SPAG4: variants seen among roughly 807,000 people sequenced by gnomAD.
SPAG4 encodes the protein sperm associated antigen 4.
SPAG4 carries 54 observed loss-of-function variants against 53.9 expected under a neutral mutation model. The ratio of observed to expected loss-of-function variants is 1.00; its 90% CI spans 0.80 to 1.26. The LOEUF (loss-of-function observed/expected upper bound fraction) is 1.26. SPAG4 is among the 50% of genes most tolerant of loss of function. SPAG4 has a pLI of 0.00. For missense variants in SPAG4, 548 were observed against 568.6 expected (o/e 0.96, Z 0.37); for synonymous variants, 246 against 237.4 (o/e 1.04, Z -0.33).
chr20:35,616,993 G>T (rs1413121978), intron 1 of SPAG4, 143 bp from the exon 2 acceptor site: 10 of 617,498 alleles, frequency 1.6e-5, no homozygotes, highest in Non-Finnish European at 2.9e-5. Context: ...AGCTGGAGCC[G>T]GGATAGGGCT....
chr20:35,618,240 T>A, intron 5 of SPAG4, 110 bp downstream of exon 5: 1 of 1,193,202 alleles, frequency 8.4e-7, no homozygotes, highest in Non-Finnish European at 1.2e-6. Context: ...TGCCAGAGGC[T>A]ACAATCCTTA....
At chr20:35,619,385 C>T in intron 9 of SPAG4, 75 bp downstream of exon 9, 1 of 1,470,820 alleles carries the variant, frequency 6.8e-7, no homozygotes, top group South Asian at 1.1e-5. Flanking sequence ...GCCCTACAGG[C>T]GGAGCTTGGC....
Position 35,616,069 on chromosome 20 carries a change from C to A in SPAG4, c.66C>A (p.Ser22Arg), listed in dbSNP as rs1226121327. The change falls in exon 1 of 12, where the codon AGC becomes AGA. Residue 22 changes from serine to arginine, a missense_variant. By Grantham distance (110) the Ser-to-Arg change is moderately radical. Coordinates refer to ENST00000374273, the MANE Select transcript of SPAG4 (RefSeq NM_003116.3). ...GCAAGCACACGCCCAACTTTTTCAGCGAGAACAGCTCAATGAGCATCACCT... is the reference window on the plus strand; with the variant it reads ...GCAAGCACACGCCCAACTTTTTCAGAGAGAACAGCTCAATGAGCATCACCT... Reference protein sequence around the residue: ...SSRKHTPNFFSENSSMSITSE... With the variant: ...SSRKHTPNFFRENSSMSITSE... 6 of 1,612,744 alleles carry A rather than the reference C, an allele frequency of 3.7e-6. No individual in the cohort carries two copies. Among genetic ancestry groups the A allele is most frequent in the Middle Eastern group, 1.7e-4 (1 of 6,058 alleles).
At chr20:35,619,777 A>T (rs776534752) in intron 10 of SPAG4, 31 bp downstream of exon 10, 26 of 1,586,608 alleles carry the variant, frequency 1.6e-5, no homozygotes, top group Non-Finnish European at 1.9e-5. Context: ...GAGGTGGGGG[A>T]TTTTGCCTAG....
intron 1 of SPAG4, among the ~76,000 whole-genome samples, chr20:35,616,691 A>G (rs539085063): frequency 2.7e-5 from 4 of 148,164 alleles, no homozygotes; most frequent in Non-Finnish European, 5.9e-5. Context: ...ATGCAATGGC[A>G]TGATCTCGGC....
rs2031385109 is a variant in SPAG4, at chr20:35,616,453, C to T, written c.304+146C>T. On this transcript the variant is annotated intron_variant, in intron 1 of 11. Coordinates refer to ENST00000374273, the MANE Select transcript of SPAG4 (RefSeq NM_003116.3). ...TAAAGGGATGGTGCTAAATGAGATCCCTTAAGGGGCGGAGCCTCGGTGTCC... is the reference window on the plus strand; with the variant it reads ...TAAAGGGATGGTGCTAAATGAGATCTCTTAAGGGGCGGAGCCTCGGTGTCC... 5 of 1,237,816 alleles carry T rather than the reference C, an allele frequency of 4.0e-6. No homozygotes were observed. In the South Asian group the frequency reaches 6.1e-5, roughly 15 times the overall value. The allele number at this position is 1,237,816 out of a possible 1,614,324, so 76.7% of individuals were successfully genotyped here. A position where few individuals can be genotyped will look rare whatever the true frequency, so the allele number is the denominator to read the frequency against.
chr20:35,618,345 G>T (rs1306315615), intron 5 of SPAG4, 105 bp from the exon 6 acceptor site: 14 of 1,435,912 alleles, frequency 9.7e-6, no homozygotes, highest in Non-Finnish European at 1.4e-5. Flanking sequence ...GTCGAGGAAA[G>T]GGGACACAGT....
intron 1 of SPAG4, 159 bp from the exon 2 acceptor site, chr20:35,616,977 G>A: frequency 1.6e-6 from 1 of 606,416 alleles, no homozygotes. Flanking sequence ...GGGCTTCAGA[G>A]GGCGGAGCTG....
intron 10 of SPAG4, 51 bp from the exon 11 acceptor site, chr20:35,620,633 C>G (rs778450338): frequency 3.6e-6 from 2 of 555,766 alleles, no homozygotes; most frequent in Middle Eastern, 4.8e-4. Context: ...CCCGCCCCCC[C>G]CGCCCCACCT....
chr20:35,621,086 G>A lies in SPAG4; in HGVS notation c.*64G>A, dbSNP rs2044165601. On this transcript the variant is annotated 3_prime_UTR_variant, in exon 12 of 12. Transcript: ENST00000374273. Reference sequence around the variant, plus strand: ...GGATACTGGATCAGTGCTTTCGGGGGCTCTGTTGGGAGAGCTCTGGCTGCC... The same window carrying A: ...GGATACTGGATCAGTGCTTTCGGGGACTCTGTTGGGAGAGCTCTGGCTGCC... 1.3e-6 allele frequency: 2 copies of A among 1,566,374 alleles called. No homozygotes were observed. Among genetic ancestry groups the A allele is most frequent in the Non-Finnish European group, 1.8e-6 (2 of 1,141,710 alleles).
intron 6 of SPAG4, 33 bp from the exon 7 acceptor site, chr20:35,618,579 G>A (rs535732465): frequency 2.5e-6 from 4 of 1,597,204 alleles, no homozygotes; most frequent in African/African-American, 2.7e-5. Flanking sequence ...GGGACAGGGA[G>A]CCAACCCCAC....
In SPAG4 at chr20:35,618,657, G is replaced by T. The variant is rs754243027; in HGVS notation, c.654G>T (p.Gln218His). Residue 218 changes from glutamine to histidine, a missense_variant, in exon 7 of 12, where the codon CAG becomes CAT. Transcript: ENST00000374273. ...GCTCCCAGGGGCAGCAGCTGCAGCA[G>T]CTCCAGGCCGAGCTGGATAAACTCC... Reference protein sequence around the residue: ...RVRSQGQQLQQLQAELDKLHK... With the variant: ...RVRSQGQQLQHLQAELDKLHK... The T allele has an allele frequency of 1.9e-6, 3 of 1,598,260 alleles. No homozygotes were observed. Among genetic ancestry groups the T allele is most frequent in the Non-Finnish European group, 2.6e-6 (3 of 1,172,456 alleles).
rs138718679 is a variant in SPAG4, at chr20:35,620,821, G to A, written c.1167+48G>A. ...GGTGCCAAGGGAGTGGGGCAGTGAG[G>A]GATGAATGATCCAGGAGGAGGGCAG... On this transcript the variant is annotated intron_variant, in intron 11 of 11. Transcript: ENST00000374273. 362 of 1,612,950 alleles carry A rather than the reference G, an allele frequency of 2.2e-4. 1 individual carries two copies. In the African/African-American group the frequency reaches 3.5e-3, roughly 16 times the overall value.
rs775702817 is a variant in SPAG4, at chr20:35,620,940, G to A, written c.1232G>A (p.Arg411His). 5 of 1,614,102 alleles carry A rather than the reference G, an allele frequency of 3.1e-6. No individual in the cohort carries two copies. The highest frequency in any genetic ancestry group is 4.5e-5 in the East Asian group (2 of 44,904). Residue 411 changes from arginine (R) to histidine (H), a missense_variant, in exon 12 of 12, where the codon CGT becomes CAT. Physicochemically the swap from Arg to His is conservative, Grantham distance 29. Coordinates refer to ENST00000374273, the MANE Select transcript of SPAG4 (RefSeq NM_003116.3). ...IQILSNWGHP[R>H]FTCLYRVRAH... ...ATTCTAAGCAACTGGGGCCACCCCCGTTTCACGTGCTTGTATCGAGTCCGT... is the reference window on the plus strand; with the variant it reads ...ATTCTAAGCAACTGGGGCCACCCCCATTTCACGTGCTTGTATCGAGTCCGT...
At position 35,616,276 on chromosome 20, in the gene SPAG4, T is replaced by C. The variant is rs201985967; in HGVS notation, c.273T>C (p.Cys91=). ...APRSHNWQTA[C]GAATVRGGAS... is the part of the protein sequence containing the mutation. ...GGAGCCACAACTGGCAGACAGCCTG[T>C]GGCGCGGCAACCGTGAGGGGCGGGG... The change falls in exon 1 of 12, where the codon TGT becomes TGC. Residue 91 remains cysteine (C), a synonymous_variant. Coordinates refer to ENST00000374273, the MANE Select transcript of SPAG4 (RefSeq NM_003116.3). The C allele has an allele frequency of 1.2e-4, 164 of 1,408,226 alleles. No homozygotes were observed. The highest frequency in any genetic ancestry group is 1.5e-4 in the Non-Finnish European group (159 of 1,079,500). The allele number at this position is 1,408,226 out of a possible 1,614,324, so 87.2% of individuals were successfully genotyped here.
intron 2 of SPAG4, 100 bp downstream of exon 2, chr20:35,617,340 C>T: frequency 2.1e-6 from 2 of 958,830 alleles, no homozygotes; most frequent in East Asian, 5.2e-5. Flanking sequence ...GTATCGAGCC[C>T]CTCTCCGAGC....
At position 35,615,939 on chromosome 20, in the gene SPAG4, GC is replaced by G; in HGVS notation, c.-61del. The stretch of plus-strand genomic sequence containing the variant: ...CCGCGGCGCGCAGCGGCTGAAGGAG[GC>G]CCCAGGGCCTTGGCGACCGCAGCGG... On this transcript the variant is annotated 5_prime_UTR_variant, in exon 1 of 12. Coordinates refer to ENST00000374273, the MANE Select transcript of SPAG4 (RefSeq NM_003116.3). 6.6e-7 allele frequency: 1 copy of G among 1,519,000 alleles called. No individual in the cohort carries two copies. The highest frequency in any genetic ancestry group is 8.9e-7 in the Non-Finnish European group (1 of 1,122,492). 94.1% of individuals were successfully genotyped at this position (1,519,000 alleles called of 1,614,324 possible). A position where few individuals can be genotyped will look rare whatever the true frequency, so the allele number is the denominator to read the frequency against.
chr20:35,619,397 G>A, intron 9 of SPAG4, 87 bp downstream of exon 9: 1 of 1,435,868 alleles, frequency 7.0e-7, no homozygotes, highest in Non-Finnish European at 9.8e-7. Flanking sequence ...GAGCTTGGCT[G>A]AGCCGAGGGC....
Position 35,617,543 on chromosome 20 carries a change from G to C in SPAG4, c.433G>C (p.Val145Leu). The C allele has an allele frequency of 6.2e-7, 1 of 1,602,354 alleles. No homozygotes were observed. The change falls in exon 3 of 12, where the codon GTG becomes CTG. Residue 145 changes from valine (V) to leucine (L), a missense_variant. Coordinates refer to ENST00000374273, the MANE Select transcript of SPAG4 (RefSeq NM_003116.3). Reference protein sequence around the residue: ...FLSLLFQGLSVLLSLAGDVLV... With the variant: ...FLSLLFQGLSLLLSLAGDVLV... Reference sequence around the variant, plus strand: ...AGGCCTGCTCTTCCAGGGGCTGAGCGTGTTGTTATCCCTGGCAGGAGACGT... The same window carrying C: ...AGGCCTGCTCTTCCAGGGGCTGAGCCTGTTGTTATCCCTGGCAGGAGACGT...
Sources: gnomAD v4.1 joint callset for allele counts (sites outside exome capture counted in the v4.1 genomes callset) on GRCh38, gnomAD v4.1.1 for gene constraint, MANE v1.5 for transcripts, NCBI Gene and HGNC (gene_info 2026-07-23, HGNC 2026-07-21) for gene names.